MAGI2: variants seen among roughly 807,000 people sequenced by gnomAD.
MAGI2 encodes membrane-associated guanylate kinase, WW and PDZ domain-containing protein 2.
MAGI2 carries 35 observed loss-of-function variants against 133.3 expected under a neutral mutation model. That is an observed-to-expected ratio of 0.26 (90% confidence interval 0.20 to 0.35). The LOEUF is 0.35. Among genes scored for constraint, MAGI2 ranks in the 10% least tolerant of loss-of-function variants. The pLI is 1.00. For missense variants in MAGI2, 1,636 were observed against 1,863.4 expected, an observed-to-expected ratio of 0.88 and a Z score of 2.25; for synonymous variants, 729 against 710.6, an observed-to-expected ratio of 1.03 and a Z score of -0.41.
chr7:79,101,608 C>A (rs1316607398), intron 1 of MAGI2, among the ~76,000 whole-genome samples: 1 of 151,162 alleles, frequency 6.6e-6, no homozygotes, highest in Non-Finnish European at 1.5e-5. Context: ...CCCGTAGTCC[C>A]AGCTACTCGG....
At chr7:78,240,398 G>GC (rs1285310955) in intron 10 of MAGI2, among the ~76,000 whole-genome samples, 1 of 152,118 alleles carries the variant, frequency 6.6e-6, no homozygotes, top group Non-Finnish European at 1.5e-5. Context: ...AATAGCCAAG[G>GC]CAGGGAATCA....
chr7:79,015,181 A>G (rs1808560558), intron 1 of MAGI2, among the ~76,000 whole-genome samples: 1 of 152,186 alleles, frequency 6.6e-6, no homozygotes, highest in Non-Finnish European at 1.5e-5. Context: ...GGCCAGCCAT[A>G]CGGTGGCTCA....
intron 6 of MAGI2, among the ~76,000 whole-genome samples, chr7:78,385,956 G>C (rs553104646): frequency 2.0e-5 from 3 of 147,792 alleles, no homozygotes; most frequent in African/African-American, 7.6e-5. Context: ...TGCGATTATA[G>C]TAAAAACCCT....
intron 3 of MAGI2, among the ~76,000 whole-genome samples, chr7:78,574,312 T>A (rs950582193): frequency 1.3e-5 from 2 of 152,222 alleles, no homozygotes; most frequent in Admixed American, 1.3e-4. Flanking sequence ...GTTGCTCCCA[T>A]CAGTCAGATG....
intron 2 of MAGI2, among the ~76,000 whole-genome samples, chr7:78,753,248 AACAG>A (rs774255935): frequency 2.7e-4 from 38 of 140,654 alleles, no homozygotes; most frequent in African/African-American, 1.0e-3. Flanking sequence ...GTAATCAATA[AACAG>A]ACAGGAAATC....
At chr7:78,130,098 T>C (rs36006411) in intron 18 of MAGI2, among the ~76,000 whole-genome samples, 3,172 of 152,304 alleles carry the variant, frequency 0.021, 41 homozygotes, top group Middle Eastern at 0.092. Flanking sequence ...CTGCTATTTA[T>C]ACTTAGTTTT....
chr7:78,808,051 C>G (rs1407040049), intron 2 of MAGI2, among the ~76,000 whole-genome samples: 1 of 152,054 alleles, frequency 6.6e-6, no homozygotes, highest in African/African-American at 2.4e-5. Context: ...GGGTCTTGAG[C>G]TGTTAATGAT....
intron 1 of MAGI2, among the ~76,000 whole-genome samples, chr7:79,393,909 C>T (rs1172708518): frequency 6.6e-6 from 1 of 152,176 alleles, no homozygotes; most frequent in African/African-American, 2.4e-5. Context: ...CCAAGAAAAA[C>T]AGAGCCAGGT....
At chr7:78,370,867 T>C (rs1033552557) in intron 6 of MAGI2, among the ~76,000 whole-genome samples, 1 of 151,912 alleles carries the variant, frequency 6.6e-6, no homozygotes, top group African/African-American at 2.4e-5. Context: ...AAAGATATGA[T>C]TCATACTAAG....
At chr7:78,097,294 C>T (rs1055982039) in intron 20 of MAGI2, among the ~76,000 whole-genome samples, 2 of 152,122 alleles carry the variant, frequency 1.3e-5, no homozygotes, top group African/African-American at 2.4e-5. Flanking sequence ...ACCATTTGAC[C>T]CAGCAATCCC....
chr7:78,834,897 G>A (rs982566287), intron 2 of MAGI2, among the ~76,000 whole-genome samples: 6 of 152,050 alleles, frequency 3.9e-5, no homozygotes, highest in African/African-American at 7.2e-5. Context: ...TGCTTTCACC[G>A]TGTGAGATGC....
At chr7:78,744,396 G>C (rs1822732370) in intron 2 of MAGI2, among the ~76,000 whole-genome samples, 1 of 151,982 alleles carries the variant, frequency 6.6e-6, no homozygotes, top group African/African-American at 2.4e-5. Flanking sequence ...GCATTTTCCA[G>C]GAATTCCACA....
intron 2 of MAGI2, among the ~76,000 whole-genome samples, chr7:79,006,170 A>G (rs1807421105): frequency 6.6e-6 from 1 of 152,170 alleles, no homozygotes; most frequent in Non-Finnish European, 1.5e-5. Context: ...TCAACCCTAC[A>G]TAATAATTTT....
chr7:78,055,602 C>A (rs750802675), intron 21 of MAGI2, among the ~76,000 whole-genome samples: 7 of 152,152 alleles, frequency 4.6e-5, no homozygotes, highest in African/African-American at 1.4e-4. Context: ...GACCCTGGAA[C>A]CTCCTTTTCT....
intron 1 of MAGI2, among the ~76,000 whole-genome samples, chr7:79,112,035 G>C (rs992289852): frequency 5.3e-5 from 8 of 151,954 alleles, no homozygotes; most frequent in Admixed American, 2.0e-4. Context: ...AGTACTCCAT[G>C]CTGTGTCAGA....
chr7:79,440,678 G>C (rs747378357), intron 1 of MAGI2, among the ~76,000 whole-genome samples: 4 of 151,972 alleles, frequency 2.6e-5, no homozygotes, highest in African/African-American at 7.3e-5. Flanking sequence ...ATAATGTATA[G>C]TTATATAAAT....
chr7:78,126,719 C>T (rs1362244344), intron 19 of MAGI2, among the ~76,000 whole-genome samples: 3 of 152,196 alleles, frequency 2.0e-5, no homozygotes, highest in African/African-American at 4.8e-5. Context: ...GATTGTGAAG[C>T]CAAGCCTGGT....
At chr7:78,494,175 G>A (rs1180994668) in intron 5 of MAGI2, among the ~76,000 whole-genome samples, 1 of 151,860 alleles carries the variant, frequency 6.6e-6, no homozygotes, top group Non-Finnish European at 1.5e-5. Context: ...TAGAGATGGG[G>A]TCAAATTCCT....
intron 6 of MAGI2, among the ~76,000 whole-genome samples, chr7:78,479,781 G>A (rs957732430): frequency 7.2e-5 from 11 of 151,840 alleles, no homozygotes; most frequent in Non-Finnish European, 1.6e-4. Flanking sequence ...AACTAATCCC[G>A]ATAATCAAGA....
Sources: gnomAD v4.1 joint callset for allele counts (sites outside exome capture counted in the v4.1 genomes callset) on GRCh38, gnomAD v4.1.1 for gene constraint, MANE v1.5 for transcripts, NCBI Gene and HGNC (gene_info 2026-07-23, HGNC 2026-07-21) for gene names.